ERGIC1: variants seen among roughly 807,000 people sequenced by gnomAD.
The protein encoded by ERGIC1 is endoplasmic reticulum-Golgi intermediate compartment protein 1.
Under a neutral mutation model 38.3 loss-of-function variants are expected in ERGIC1, and 19 were observed. The observed-to-expected ratio is 0.50, with a 90% CI of 0.35 to 0.73. The LOEUF is 0.73. Among genes scored for constraint, ERGIC1 ranks in the 30% least tolerant of loss-of-function variants. The probability of loss-of-function intolerance (pLI) is 0.01; values close to 1 mark genes in which losing one functional copy is unlikely to be tolerated. For synonymous variants in ERGIC1, 124 were observed against 157.6 expected, an observed-to-expected ratio of 0.79 and a Z score of 1.60; for missense variants, 294 against 389.2, an observed-to-expected ratio of 0.76 and a Z score of 2.06.
chr5:172,901,397 A>G (rs1762872645), intron 3 of ERGIC1, among the ~76,000 whole-genome samples: 1 of 152,108 alleles, frequency 6.6e-6, no homozygotes. Context: ...TGGCCACAGA[A>G]TGTTCCAGCC....
Position 172,899,460 on chromosome 5 carries a change from G to T in ERGIC1, c.155+2386G>T, listed in dbSNP as rs1561724799. ...GCCTCCTGAGTAACTGGAATTACAG[G>T]CAAGCACCACCATGTCCAGCTAATT... On this transcript the variant is annotated intron_variant, in intron 3 of 9. Transcript: ENST00000393784. 2.0e-5 allele frequency among the ~76,000 whole-genome samples: 3 copies of T among 152,170 alleles called. No individual in the cohort carries two copies. In the East Asian group the frequency reaches 5.8e-4, roughly 29 times the overall value.
At chr5:172,914,959 G>A (rs757589794) in intron 5 of ERGIC1, 121 bp downstream of exon 5, 26 of 1,481,826 alleles carry the variant, frequency 1.8e-5, no homozygotes, top group African/African-American at 1.3e-4. Flanking sequence ...CCCAGCAAGC[G>A]AGGGTTCGTG....
rs1269373793 is a variant in ERGIC1 at position 172,834,977 on chromosome 5, C to G, written c.20+544C>G. 6.6e-6 allele frequency among the ~76,000 whole-genome samples: 1 copy of G among 152,260 alleles called. No individual in the cohort carries two copies. Among genetic ancestry groups the G allele is most frequent in the Non-Finnish European group, 1.5e-5 (1 of 68,044 alleles). Reference sequence around the variant, plus strand: ...CCGCCCCTCCCTCCCTCAGCCCCAGCCCTGTCCGCTGGGTATGGGGGCACC... The same window carrying G: ...CCGCCCCTCCCTCCCTCAGCCCCAGGCCTGTCCGCTGGGTATGGGGGCACC... On this transcript the variant is annotated intron_variant, in intron 1 of 9. Transcript: ENST00000393784. The surrounding 1 kb of genome is among the most constrained non-coding windows in gnomAD (Gnocchi z 4.1).
chr5:172,913,044 C>A (rs1328890173), intron 4 of ERGIC1, among the ~76,000 whole-genome samples: 3 of 136,324 alleles, frequency 2.2e-5, no homozygotes, highest in Non-Finnish European at 4.7e-5. Context: ...GCTGCGATTA[C>A]CGGCGTGAGC....
At chr5:172,838,661 G>A (rs953843801) in intron 1 of ERGIC1, among the ~76,000 whole-genome samples, 6 of 152,034 alleles carry the variant, frequency 3.9e-5, no homozygotes, top group Non-Finnish European at 7.4e-5. Flanking sequence ...TGAACTCCTG[G>A]CCTCAAGTCA....
At chr5:172,868,992 C>T (rs192491113) in intron 1 of ERGIC1, among the ~76,000 whole-genome samples, 217 of 152,352 alleles carry the variant, frequency 1.4e-3, no homozygotes, top group Non-Finnish European at 2.1e-3. Context: ...GGGGGCTTCC[C>T]GGGCTGGCTT....
At chr5:172,839,542 T>A (rs1761108655) in intron 1 of ERGIC1, among the ~76,000 whole-genome samples, 1 of 151,524 alleles carries the variant, frequency 6.6e-6, no homozygotes, top group Non-Finnish European at 1.5e-5. Flanking sequence ...CCACACTGGG[T>A]AACAGAGCAA....
intron 1 of ERGIC1, among the ~76,000 whole-genome samples, chr5:172,861,198 A>G (rs1761690104): frequency 6.6e-6 from 1 of 152,136 alleles, no homozygotes; most frequent in South Asian, 2.1e-4. Flanking sequence ...CCCACCTCAG[A>G]GTCTTGGCCA....
chr5:172,920,478 G>A lies in ERGIC1; in HGVS notation c.376-3527G>A. ...CAGCCAGCCCCGCAGGAGGAGGACA[G>A]GATGGGGTGAGGGGTATGGGGCCTG... On this transcript the variant is annotated intron_variant, in intron 5 of 9. Coordinates refer to ENST00000393784, the MANE Select transcript of ERGIC1 (RefSeq NM_001031711.3). 5 of 717,560 alleles carry A rather than the reference G, an allele frequency of 7.0e-6. No homozygotes were observed. In the East Asian group the frequency reaches 1.3e-4, roughly 19 times the overall value. 44.4% of individuals were successfully genotyped at this position (717,560 alleles called of 1,614,324 possible).
At chr5:172,836,821 CT>C (rs1761048484) in intron 1 of ERGIC1, among the ~76,000 whole-genome samples, 1 of 152,202 alleles carries the variant, frequency 6.6e-6, no homozygotes, top group Non-Finnish European at 1.5e-5. Flanking sequence ...TGTATACACA[CT>C]TTGGGGTGCA....
chr5:172,877,785 T>C, intron 1 of ERGIC1, among the ~76,000 whole-genome samples: 1 of 152,178 alleles, frequency 6.6e-6, no homozygotes, highest in Middle Eastern at 3.2e-3. Flanking sequence ...CTGTGGTACA[T>C]AGCCTTGTGT....
chr5:172,892,680 C>A (rs73325172), intron 2 of ERGIC1, among the ~76,000 whole-genome samples: 1,932 of 152,290 alleles, frequency 0.013, 38 homozygotes, highest in African/African-American at 0.044. Flanking sequence ...CTTCATCAAG[C>A]CTTCAGTATC....
intron 1 of ERGIC1, among the ~76,000 whole-genome samples, chr5:172,880,759 T>G (rs928561501): frequency 6.6e-6 from 1 of 152,238 alleles, no homozygotes; most frequent in Admixed American, 6.5e-5. Context: ...CTGAGAGAGC[T>G]GACCGTGAGG....
At chr5:172,888,880 T>G in intron 2 of ERGIC1, 120 bp downstream of exon 2, 3 of 957,162 alleles carry the variant, frequency 3.1e-6, no homozygotes, top group Non-Finnish European at 5.1e-6. Context: ...AGGAAAGAAA[T>G]GCTGAGCATC....
intron 7 of ERGIC1, among the ~76,000 whole-genome samples, chr5:172,927,496 A>G (rs1480685845): frequency 2.0e-5 from 3 of 151,336 alleles, no homozygotes; most frequent in Middle Eastern, 6.8e-3. Context: ...TGCTTTTTGT[A>G]CTTGACCTTA....
intron 5 of ERGIC1, chr5:172,915,712 G>C (rs770857673): frequency 2.2e-6 from 1 of 453,808 alleles, no homozygotes. Flanking sequence ...GGGGCCCAGA[G>C]AGGTTAAGTG....
At chr5:172,888,451 C>A (rs1762475122) in intron 1 of ERGIC1, among the ~76,000 whole-genome samples, 2 of 150,994 alleles carry the variant, frequency 1.3e-5, no homozygotes, top group African/African-American at 2.4e-5. Flanking sequence ...CAGAGCGAGA[C>A]CCTGTTTAAA....
intron 9 of ERGIC1, among the ~76,000 whole-genome samples, chr5:172,946,170 C>T (rs561939651): frequency 1.3e-5 from 2 of 152,312 alleles, no homozygotes; most frequent in South Asian, 2.1e-4. Flanking sequence ...GGGAGGTGCA[C>T]ACCTCCCAGC....
At chr5:172,909,378 T>G (rs891954605) in intron 3 of ERGIC1, among the ~76,000 whole-genome samples, 4 of 152,040 alleles carry the variant, frequency 2.6e-5, no homozygotes, top group Non-Finnish European at 4.4e-5. Context: ...CAGGCTAGTC[T>G]TGAACTCCTG....
Sources: gnomAD v4.1 joint callset for allele counts (sites outside exome capture counted in the v4.1 genomes callset) on GRCh38, gnomAD v4.1.1 for gene constraint, Gnocchi (gnomAD v3.1) non-coding constraint, MANE v1.5 for transcripts, NCBI Gene and HGNC (gene_info 2026-07-23, HGNC 2026-07-21) for gene names.